Variants in TMEM132C observed in about 807,000 individuals in gnomAD.
TMEM132C encodes the protein transmembrane protein 132C, also known as protein phosphatase 1, regulatory subunit 152.
In TMEM132C, 29 loss-of-function variants were observed where a neutral mutation model predicts 61.4. The observed-to-expected ratio is 0.47, with a 90% CI of 0.35 to 0.64. The LOEUF is 0.64. Among genes scored for constraint, TMEM132C ranks in the 30% least tolerant of loss-of-function variants. TMEM132C has a pLI of 0.00. For missense variants in TMEM132C, 1,408 were observed against 1,476.9 expected (o/e 0.95, Z 0.76); for synonymous variants, 656 against 633.1 (o/e 1.04, Z -0.54).
chr12:128,592,357 C>T (rs374978084), intron 3 of TMEM132C, among the ~76,000 whole-genome samples: 3 of 152,188 alleles, frequency 2.0e-5, no homozygotes, highest in African/African-American at 7.2e-5. Context: ...AACAGAAGCT[C>T]CCGTGTTTGC....
At chr12:128,358,925 T>C (rs1873606451) in intron 1 of TMEM132C, among the ~76,000 whole-genome samples, 1 of 152,110 alleles carries the variant, frequency 6.6e-6, no homozygotes, top group South Asian at 2.1e-4. Context: ...GTCACACAAA[T>C]GGTAGTATTA....
intron 1 of TMEM132C, among the ~76,000 whole-genome samples, chr12:128,329,852 A>C (rs1190860129): frequency 3.3e-5 from 5 of 152,196 alleles, no homozygotes; most frequent in Non-Finnish European, 7.3e-5. Context: ...ATATTTACTC[A>C]AGATTGTCTT....
chr12:128,464,762 C>CAGAAAGAAAGAAAGAAAGAA (rs35359461), intron 2 of TMEM132C, among the ~76,000 whole-genome samples: 46 of 127,860 alleles, frequency 3.6e-4, no homozygotes, highest in Admixed American at 1.3e-3. Context: ...AAGACCCTGT[C>CAGAAAGAAAGAAAGAAAGAA]AGAAAGAAAG....
intron 4 of TMEM132C, among the ~76,000 whole-genome samples, chr12:128,620,440 C>A (rs1953953571): frequency 6.6e-6 from 1 of 152,096 alleles, no homozygotes; most frequent in Non-Finnish European, 1.5e-5. Context: ...TGATCAGACG[C>A]TGCTGTCACA....
rs139505723 is a variant in TMEM132C, at chr12:128,346,980, G to A, written c.86-67752G>A. ...GAAACAGGTTGTTTTTGGTTACATG[G>A]ATAAGCTCTTTAGTGGTGATTTCTG... On this transcript the variant is annotated intron_variant, in intron 1 of 8. Coordinates refer to ENST00000435159, the MANE Select transcript of TMEM132C (RefSeq NM_001136103.3). Among the ~76,000 whole-genome samples the A allele has an allele frequency of 1.9e-3, 284 of 152,144 alleles. 1 individual carries two copies. The highest frequency in any genetic ancestry group is 6.0e-3 in the African/African-American group (251 of 41,504).
intron 1 of TMEM132C, among the ~76,000 whole-genome samples, chr12:128,364,837 C>G (rs1031144287): frequency 6.6e-6 from 1 of 152,182 alleles, no homozygotes; most frequent in Admixed American, 6.5e-5. Context: ...AAGAGCCATG[C>G]CCAGCATTCT....
At chr12:128,589,672 GT>G (rs1875683992) in intron 3 of TMEM132C, among the ~76,000 whole-genome samples, 1 of 152,184 alleles carries the variant, frequency 6.6e-6, no homozygotes, top group South Asian at 2.1e-4. Context: ...GGCAGTAGAA[GT>G]TTTGCTCAGC....
chr12:128,408,454 C>A (rs1190745592), intron 1 of TMEM132C, among the ~76,000 whole-genome samples: 2 of 152,006 alleles, frequency 1.3e-5, no homozygotes, highest in East Asian at 3.9e-4. Context: ...TGGCTCACAA[C>A]CTTCTCCAAG....
intron 5 of TMEM132C, among the ~76,000 whole-genome samples, chr12:128,683,426 A>G (rs1475510390): frequency 1.3e-5 from 2 of 152,162 alleles, no homozygotes; most frequent in Non-Finnish European, 2.9e-5. Context: ...TCTTTCTAGA[A>G]CAGGCCACAA....
At chr12:128,340,916 TTCTCTCTCTC>T (rs71989914) in intron 1 of TMEM132C, among the ~76,000 whole-genome samples, 21 of 128,340 alleles carry the variant, frequency 1.6e-4, no homozygotes, top group Admixed American at 6.2e-4. Flanking sequence ...CTCTCTCTCT[TTCTCTCTCTC>T]TCTCTCTCTC....
In TMEM132C at chr12:128,460,770, G is replaced by A. The variant is rs755077304; in HGVS notation, c.974+45150G>A. ...TTCATGCACCCTCCTGTCCTAACCC[G>A]CAGGACTCCACTCTTGGCATACTCA... is the stretch of plus-strand genomic sequence containing the variant. On this transcript the variant is annotated intron_variant, in intron 2 of 8. Transcript: ENST00000435159. Among the ~76,000 whole-genome samples, 47 of 152,070 alleles carry A rather than the reference G, an allele frequency of 3.1e-4. No individual in the cohort carries two copies. The East Asian group carries it at 4.2e-3, about 14-fold the overall frequency.
At chr12:128,566,275 G>T (rs527741707) in intron 3 of TMEM132C, among the ~76,000 whole-genome samples, 1 of 151,216 alleles carries the variant, frequency 6.6e-6, no homozygotes, top group Non-Finnish European at 1.5e-5. Context: ...ATTAAAGAAT[G>T]CTACTAAAGA....
At chr12:128,651,346 A>T (rs1445067915) in intron 4 of TMEM132C, among the ~76,000 whole-genome samples, 1 of 152,200 alleles carries the variant, frequency 6.6e-6, no homozygotes, top group African/African-American at 2.4e-5. Context: ...TCTTCAGACA[A>T]CGACTCCATC....
rs1283692951 is a variant in TMEM132C at position 128,361,843 on chromosome 12, G to A, written c.86-52889G>A. Among the ~76,000 whole-genome samples, 6 of 152,228 alleles carry A rather than the reference G, an allele frequency of 3.9e-5. No homozygotes were observed. The South Asian group carries it at 1.0e-3, about 26-fold the overall frequency. On this transcript the variant is annotated intron_variant, in intron 1 of 8. Transcript: ENST00000435159. ...TTCTTCTAAGGATTTTCCTCAAGAAGGGAGGCTGCTATTCCCCATTAGGAA... is the reference window on the plus strand; with the variant it reads ...TTCTTCTAAGGATTTTCCTCAAGAAAGGAGGCTGCTATTCCCCATTAGGAA...
At chr12:128,380,460 TAAA>T (rs1874364761) in intron 1 of TMEM132C, among the ~76,000 whole-genome samples, 1 of 152,262 alleles carries the variant, frequency 6.6e-6, no homozygotes, top group South Asian at 2.1e-4. Flanking sequence ...AACAGGATGT[TAAA>T]TAATAAGGGA....
chr12:128,692,831 C>A (rs4882715), intron 5 of TMEM132C, among the ~76,000 whole-genome samples: 80,067 of 151,996 alleles, frequency 0.53, 22,382 homozygotes, highest in African/African-American at 0.73. Flanking sequence ...ACAAAAGCCA[C>A]ATACTTGCAA....
At chr12:128,675,901 A>T (rs1024100440) in intron 5 of TMEM132C, among the ~76,000 whole-genome samples, 1 of 151,906 alleles carries the variant, frequency 6.6e-6, no homozygotes, top group African/African-American at 2.4e-5. Flanking sequence ...AGATAGATAG[A>T]TTTGTTGCTG....
At chr12:128,649,111 C>T (rs12809589) in intron 4 of TMEM132C, among the ~76,000 whole-genome samples, 19,306 of 152,244 alleles carry the variant, frequency 0.13, 1,316 homozygotes, top group Non-Finnish European at 0.15. Context: ...AGGTGATTGC[C>T]AGCCTGGCTC....
Position 128,420,292 on chromosome 12 carries a change from G to A in TMEM132C, c.974+4672G>A, listed in dbSNP as rs1176778345. On this transcript the variant is annotated intron_variant, in intron 2 of 8. Coordinates refer to ENST00000435159, the MANE Select transcript of TMEM132C (RefSeq NM_001136103.3). ...AAGGGAGGAAGAATGGAAAGTGCTG[G>A]TAATACAATTTAAGGTGACAGTCAA... Among the ~76,000 whole-genome samples, 3 of 152,294 alleles carry A rather than the reference G, an allele frequency of 2.0e-5. No homozygotes were observed. The East Asian group carries it at 5.8e-4, about 29-fold the overall frequency.
Sources: allele counts gnomAD v4.1 joint callset (sites outside exome capture counted in the v4.1 genomes callset), GRCh38; gene constraint gnomAD v4.1.1; transcripts MANE v1.5; gene names NCBI Gene and HGNC (gene_info 2026-07-23, HGNC 2026-07-21).